IPCEF1: variants seen among roughly 807,000 people sequenced by gnomAD.
IPCEF1 encodes the protein interaction protein for cytohesin exchange factors 1, also known as interactor protein for cytohesin exchange factors 1.
In IPCEF1, 31 loss-of-function variants were observed where a neutral mutation model predicts 50.9. The ratio of observed to expected loss-of-function variants is 0.61; its 90% CI spans 0.46 to 0.82. The LOEUF (loss-of-function observed/expected upper bound fraction) is 0.82, where lower values mean the gene tolerates loss of function less well. IPCEF1 is among the 40% of genes least tolerant of loss of function. IPCEF1 has a pLI of 0.00. For missense variants in IPCEF1, 458 were observed against 514.0 expected (o/e 0.89, Z 1.05); for synonymous variants, 181 against 192.0 (o/e 0.94, Z 0.47).
At chr6:154,278,423 G>A (rs903097547) in intron 2 of IPCEF1, among the ~76,000 whole-genome samples, 1 of 152,114 alleles carries the variant, frequency 6.6e-6, no homozygotes, top group East Asian at 1.9e-4. Context: ...GGCTCCAGAC[G>A]TATGGATGCA....
intron 11 of IPCEF1, among the ~76,000 whole-genome samples, chr6:154,167,641 T>C (rs925292060): frequency 6.6e-6 from 1 of 152,212 alleles, no homozygotes; most frequent in African/African-American, 2.4e-5. Flanking sequence ...AAATTATGCA[T>C]GGTCCTTGCT....
chr6:154,331,159 C>A lies in IPCEF1; in HGVS notation c.-62+25513G>T, dbSNP rs149165208. Among the ~76,000 whole-genome samples, 1,474 of 152,050 alleles carry A rather than the reference C, an allele frequency of 9.7e-3. 18 individuals are homozygous for A. The highest frequency in any genetic ancestry group is 0.022 in the African/African-American group (922 of 41,454). The stretch of plus-strand genomic sequence containing the variant: ...GCATGTGCCTGAAGTCCCAGCTACT[C>A]AGGAGACTGAAGCAGGAGAATTCCT... On this transcript the variant is annotated intron_variant, in intron 1 of 11. Transcript: ENST00000367220.
chr6:154,178,383 A>T (rs543375948), intron 10 of IPCEF1, among the ~76,000 whole-genome samples: 66 of 152,334 alleles, frequency 4.3e-4, no homozygotes, highest in African/African-American at 1.6e-3. Context: ...ATAACATGGC[A>T]TATAATATAT....
rs537386715 is a variant in IPCEF1 at position 154,211,277 on chromosome 6, G to A, written c.537+1493C>T. 1.6e-4 allele frequency among the ~76,000 whole-genome samples: 24 copies of A among 152,130 alleles called. 2 individuals carry two copies. The highest frequency in any genetic ancestry group is 8.3e-4 in the South Asian group (4 of 4,806). The stretch of plus-strand genomic sequence containing the variant: ...TAAAAATACAAAAAATTAGCCGGGC[G>A]AGGTGGCGAGCACCCCAGCTACTCG... On this transcript the variant is annotated intron_variant, in intron 9 of 11. Transcript: ENST00000367220.
intron 1 of IPCEF1, among the ~76,000 whole-genome samples, chr6:154,327,984 A>G (rs778823157): frequency 9.2e-5 from 14 of 152,220 alleles, no homozygotes; most frequent in Non-Finnish European, 2.1e-4. Flanking sequence ...ACAACCAAAT[A>G]CAACATGTTC....
chr6:154,226,809 C>T (rs1008013249), intron 5 of IPCEF1, among the ~76,000 whole-genome samples: 1 of 152,100 alleles, frequency 6.6e-6, no homozygotes, highest in Non-Finnish European at 1.5e-5. Context: ...GATGAAAGAC[C>T]CTTTATAATC....
intron 1 of IPCEF1, among the ~76,000 whole-genome samples, chr6:154,303,803 C>T (rs939025909): frequency 6.6e-6 from 1 of 152,096 alleles, no homozygotes; most frequent in Non-Finnish European, 1.5e-5. Flanking sequence ...CACCTGTGGC[C>T]CTAATTACAT....
chr6:154,261,384 A>C (rs1051037626), intron 3 of IPCEF1, among the ~76,000 whole-genome samples: 14 of 152,208 alleles, frequency 9.2e-5, no homozygotes, highest in Admixed American at 2.0e-4. Flanking sequence ...TAAGCAGGCG[A>C]GTGGCATAAT....
intron 8 of IPCEF1, among the ~76,000 whole-genome samples, chr6:154,213,748 T>A (rs1464179448): frequency 6.6e-6 from 1 of 152,202 alleles, no homozygotes; most frequent in African/African-American, 2.4e-5. Context: ...AGCTACCGAC[T>A]GAGCTAAAAA....
At chr6:154,302,912 T>C (rs76179754) in intron 1 of IPCEF1, among the ~76,000 whole-genome samples, 1,558 of 152,276 alleles carry the variant, frequency 0.01, 18 homozygotes, top group African/African-American at 0.036. Flanking sequence ...TACTTATTTC[T>C]TATCCTTTCC....
At chr6:154,279,981 A>T (rs1782166721) in intron 2 of IPCEF1, among the ~76,000 whole-genome samples, 1 of 152,208 alleles carries the variant, frequency 6.6e-6, no homozygotes, top group African/African-American at 2.4e-5. Flanking sequence ...CAATCAGGGA[A>T]ATGCAAGGCA....
chr6:154,273,709 T>C (rs1781959203), intron 2 of IPCEF1, among the ~76,000 whole-genome samples: 1 of 94,688 alleles, frequency 1.1e-5, no homozygotes, highest in Non-Finnish European at 2.2e-5. Flanking sequence ...TCTTTTTTTC[T>C]TTCTTTCTTT....
At chr6:154,263,102 C>G (rs141306363) in intron 3 of IPCEF1, among the ~76,000 whole-genome samples, 3 of 152,014 alleles carry the variant, frequency 2.0e-5, no homozygotes, top group Non-Finnish European at 4.4e-5. Context: ...TGGAATTTTT[C>G]CTATTTAAAA....
At chr6:154,306,822 C>T (rs1373484149) in intron 1 of IPCEF1, 1 of 152,216 alleles carries the variant, frequency 6.6e-6, no homozygotes, top group Non-Finnish European at 1.5e-5. Flanking sequence ...ATGCCCAGAC[C>T]CAGCTCTTGG....
chr6:154,221,228 G>A, intron 7 of IPCEF1, 29 bp downstream of exon 7: 1 of 1,547,906 alleles, frequency 6.5e-7, no homozygotes, highest in Non-Finnish European at 8.9e-7. Context: ...TCCCATTAAG[G>A]ATGGGGTTTA....
At chr6:154,309,015 T>C (rs1217091791) in intron 1 of IPCEF1, among the ~76,000 whole-genome samples, 1 of 152,228 alleles carries the variant, frequency 6.6e-6, no homozygotes, top group Non-Finnish European at 1.5e-5. Flanking sequence ...AGGAACTTCT[T>C]GCAAATATGT....
chr6:154,271,189 T>C (rs1484831364), intron 2 of IPCEF1, among the ~76,000 whole-genome samples: 1 of 116,256 alleles, frequency 8.6e-6, no homozygotes, highest in Non-Finnish European at 2.0e-5. Context: ...CAAGACCCCA[T>C]CTCTACAAAA....
intron 9 of IPCEF1, among the ~76,000 whole-genome samples, chr6:154,204,763 T>A (rs993941125): frequency 6.6e-6 from 1 of 152,156 alleles, no homozygotes; most frequent in African/African-American, 2.4e-5. Flanking sequence ...AGATAGAGTA[T>A]TTCTAACACA....
intron 1 of IPCEF1, among the ~76,000 whole-genome samples, chr6:154,301,721 C>G (rs1166573658): frequency 6.6e-6 from 1 of 152,138 alleles, no homozygotes; most frequent in Non-Finnish European, 1.5e-5. Context: ...TGTGCATTTA[C>G]AGCTTTCATC....
Sources: allele counts gnomAD v4.1 joint callset (sites outside exome capture counted in the v4.1 genomes callset), GRCh38; gene constraint gnomAD v4.1.1; transcripts MANE v1.5; gene names NCBI Gene and HGNC (gene_info 2026-07-23, HGNC 2026-07-21).